Variants in ITGB3BP observed in about 807,000 individuals in gnomAD.
ITGB3BP encodes the protein centromere protein R.
Under a neutral mutation model 29.1 loss-of-function variants are expected in ITGB3BP, and 27 were observed. That is an observed-to-expected ratio of 0.93 (90% CI 0.68 to 1.28). The LOEUF is 1.28. ITGB3BP is among the 50% of genes most tolerant of loss of function. The pLI, the probability that ITGB3BP is intolerant of heterozygous loss-of-function variation, is 0.00. For missense variants in ITGB3BP, 192 were observed against 200.2 expected (o/e 0.96, Z 0.25); for synonymous variants, 61 against 61.4 (o/e 0.99, Z 0.03).
intron 4 of ITGB3BP, among the ~76,000 whole-genome samples, chr1:63,472,873 T>C (rs1301308930): frequency 1.3e-5 from 2 of 152,036 alleles, no homozygotes; most frequent in Non-Finnish European, 2.9e-5. Flanking sequence ...AGTGCCGAGA[T>C]TGCAGCCTCT....
At chr1:63,525,814 G>C, upstream of ITGB3BP, 6 of 1,228,994 alleles carry the variant, frequency 4.9e-6, no homozygotes, top group Non-Finnish European at 6.7e-6. Context: ...TTAATAAATA[G>C]GTCCGAAAGA....
At chr1:63,472,482 T>A (rs1645219389) in intron 4 of ITGB3BP, among the ~76,000 whole-genome samples, 1 of 109,122 alleles carries the variant, frequency 9.2e-6, no homozygotes, top group Non-Finnish European at 1.8e-5. Flanking sequence ...CCCTCTCTCC[T>A]CTCCACGGTC....
chr1:63,504,203 T>C lies in ITGB3BP; in HGVS notation c.48+4325A>G, dbSNP rs375543169. On this transcript the variant is annotated intron_variant, in intron 2 of 8. Coordinates refer to ENST00000271002, the MANE Select transcript of ITGB3BP (RefSeq NM_014288.5). ...TTTTATTTCATTGAGCAGTGGTTTGTAGTTCTCCTTAAAGAGGTCCTTCAC... is the reference window on the plus strand; with the variant it reads ...TTTTATTTCATTGAGCAGTGGTTTGCAGTTCTCCTTAAAGAGGTCCTTCAC... Among the ~76,000 whole-genome samples, 43 of 152,048 alleles carry C rather than the reference T, an allele frequency of 2.8e-4. 1 individual carries two copies. Among genetic ancestry groups the C allele is most frequent in the African/African-American group, 9.4e-4 (39 of 41,316 alleles).
At position 63,446,874 on chromosome 1, in the gene ITGB3BP, G is replaced by GTT. The variant is rs757666823; in HGVS notation, c.485-19_485-18insAA. 168 of 1,464,302 alleles carry GTT rather than the reference G, an allele frequency of 1.1e-4. No homozygotes were observed. The African/African-American group carries it at 1.6e-3, about 14-fold the overall frequency. 90.7% of individuals were successfully genotyped at this position (1,464,302 alleles called of 1,614,324 possible). ...ACGTGATGCTATATGAAAGAAGAAA[G>GTT]GTTTTTTTTTTCAGAAAACAATTCA... On this transcript the variant is annotated intron_variant, in intron 7 of 8. Coordinates refer to ENST00000271002, the MANE Select transcript of ITGB3BP (RefSeq NM_014288.5).
chr1:63,459,302 G>A (rs1025196421), intron 4 of ITGB3BP, among the ~76,000 whole-genome samples: 2 of 151,872 alleles, frequency 1.3e-5, no homozygotes, highest in Non-Finnish European at 2.9e-5. Flanking sequence ...ATTCTCAAAG[G>A]CCACAAATAC....
At chr1:63,520,182 T>C (rs891320966) in intron 1 of ITGB3BP, among the ~76,000 whole-genome samples, 14 of 151,996 alleles carry the variant, frequency 9.2e-5, no homozygotes, top group African/African-American at 3.4e-4. Context: ...TCTGTCTACA[T>C]AGAATGAAAT....
chr1:63,448,110 A>G (rs1478762607), intron 7 of ITGB3BP, among the ~76,000 whole-genome samples: 1 of 143,554 alleles, frequency 7.0e-6, no homozygotes, highest in African/African-American at 2.6e-5. Flanking sequence ...GTTCTCACTC[A>G]TAGGTGGGAA....
chr1:63,519,195 C>G (rs1337275818), intron 1 of ITGB3BP, among the ~76,000 whole-genome samples: 4 of 152,064 alleles, frequency 2.6e-5, no homozygotes, highest in African/African-American at 9.7e-5. Context: ...GTTGAAAATG[C>G]ATTTCACACA....
chr1:63,471,262 G>GTTTT lies in ITGB3BP; in HGVS notation c.254+7498_254+7501dup, dbSNP rs55797590. Among the ~76,000 whole-genome samples, 39 of 125,374 alleles carry GTTTT rather than the reference G, an allele frequency of 3.1e-4. 1 individual carries two copies. The highest frequency in any genetic ancestry group is 1.1e-3 in the East Asian group (5 of 4,350). 82.3% of individuals were successfully genotyped at this position (125,374 alleles called of 152,430 possible). A position where few individuals can be genotyped will look rare whatever the true frequency, so the allele number is the denominator to read the frequency against. ...TAATCCAAGGTCCAGTCCTCTAAAA[G>GTTTT]TTTTTTTTTTTTTTTTTTGAGACAG... On this transcript the variant is annotated intron_variant, in intron 4 of 8. Coordinates refer to ENST00000271002, the MANE Select transcript of ITGB3BP (RefSeq NM_014288.5).
At chr1:63,502,963 G>A (rs1645976441) in intron 2 of ITGB3BP, among the ~76,000 whole-genome samples, 1 of 152,106 alleles carries the variant, frequency 6.6e-6, no homozygotes, top group African/African-American at 2.4e-5. Flanking sequence ...GAATAGTGCT[G>A]CAATAAACAT....
intron 7 of ITGB3BP, chr1:63,449,489 T>C (rs1377455109): frequency 6.6e-6 from 1 of 152,184 alleles, no homozygotes; most frequent in Non-Finnish European, 1.5e-5. Flanking sequence ...TTATTTTTAC[T>C]TAAATCCTAG....
At chr1:63,514,908 T>G (rs931691027) in intron 1 of ITGB3BP, among the ~76,000 whole-genome samples, 2 of 135,070 alleles carry the variant, frequency 1.5e-5, no homozygotes, top group African/African-American at 5.7e-5. Flanking sequence ...ATCGTGCCAC[T>G]GCACTCCAGC....
chr1:63,494,688 T>C (rs1162627919), intron 2 of ITGB3BP, among the ~76,000 whole-genome samples: 1 of 152,222 alleles, frequency 6.6e-6, no homozygotes, highest in African/African-American at 2.4e-5. Context: ...AAATACTGGC[T>C]AAAAACGTTG....
intron 1 of ITGB3BP, among the ~76,000 whole-genome samples, chr1:63,515,010 A>T (rs1646283315): frequency 6.6e-6 from 1 of 152,020 alleles, no homozygotes; most frequent in Non-Finnish European, 1.5e-5. Context: ...CTTGATGAGC[A>T]AAAGTTTAAA....
At chr1:63,493,094 G>GCGCGCGCA (rs1384755834) in intron 2 of ITGB3BP, among the ~76,000 whole-genome samples, 4 of 100,066 alleles carry the variant, frequency 4.0e-5, no homozygotes, top group Admixed American at 1.1e-4. Context: ...ACACACGCGC[G>GCGCGCGCA]CGCGCGCAAG....
At chr1:63,461,645 T>C (rs888435078) in intron 4 of ITGB3BP, among the ~76,000 whole-genome samples, 1 of 152,248 alleles carries the variant, frequency 6.6e-6, no homozygotes, top group African/African-American at 2.4e-5. Context: ...AATTTTTACA[T>C]ATGCTGTGAG....
At chr1:63,489,416 A>AG (rs1333366676) in intron 3 of ITGB3BP, among the ~76,000 whole-genome samples, 1 of 151,292 alleles carries the variant, frequency 6.6e-6, no homozygotes, top group East Asian at 1.9e-4. Flanking sequence ...CTCAAAAAAA[A>AG]AAAACCCCAC....
At chr1:63,509,549 T>C (rs1472836985) in intron 1 of ITGB3BP, among the ~76,000 whole-genome samples, 1 of 152,154 alleles carries the variant, frequency 6.6e-6, no homozygotes, top group Non-Finnish European at 1.5e-5. Context: ...ACTATTGATT[T>C]ACAAAGGACA....
chr1:63,468,267 G>T (rs774433943), intron 4 of ITGB3BP, among the ~76,000 whole-genome samples: 1 of 152,174 alleles, frequency 6.6e-6, no homozygotes, highest in Non-Finnish European at 1.5e-5. Context: ...CCAATCAACT[G>T]TCCAGGGTAG....
Sources: allele counts gnomAD v4.1 joint callset (sites outside exome capture counted in the v4.1 genomes callset), GRCh38; gene constraint gnomAD v4.1.1; transcripts MANE v1.5; gene names NCBI Gene and HGNC (gene_info 2026-07-23, HGNC 2026-07-21).